The following KHDRBS3 variants were observed in gnomAD, a reference collection of about 807,000 sequenced individuals.
The protein encoded by KHDRBS3 is KH domain-containing, RNA-binding, signal transduction-associated protein 3.
In KHDRBS3, 23 loss-of-function variants were observed where a neutral mutation model predicts 45.6. The ratio of observed to expected loss-of-function variants is 0.50; its 90% CI spans 0.36 to 0.72. The LOEUF (loss-of-function observed/expected upper bound fraction) is 0.72. Among genes scored for constraint, KHDRBS3 ranks in the 30% least tolerant of loss-of-function variants. The pLI is 0.00. For synonymous variants in KHDRBS3, 162 were observed against 156.5 expected (o/e 1.04, Z -0.26); for missense variants, 352 against 424.8 (o/e 0.83, Z 1.51).
At chr8:135,597,171 G>T (rs1247962329) in intron 6 of KHDRBS3, among the ~76,000 whole-genome samples, 2 of 152,080 alleles carry the variant, frequency 1.3e-5, no homozygotes, top group Non-Finnish European at 2.9e-5. Flanking sequence ...TTCATAGATG[G>T]TGCCTCTTGC....
At chr8:135,519,995 G>A (rs1824826033) in intron 1 of KHDRBS3, among the ~76,000 whole-genome samples, 1 of 152,174 alleles carries the variant, frequency 6.6e-6, no homozygotes, top group Non-Finnish European at 1.5e-5. Context: ...AAAATGGTGG[G>A]AGAGACTGCA....
intron 6 of KHDRBS3, among the ~76,000 whole-genome samples, chr8:135,605,527 A>G (rs76103028): frequency 0.064 from 9,672 of 152,124 alleles, 436 homozygotes; most frequent in African/African-American, 0.12. Flanking sequence ...GTTTGATGAG[A>G]CACTGTTCTT....
At chr8:135,460,697 C>G (rs1423906069) in intron 1 of KHDRBS3, among the ~76,000 whole-genome samples, 1 of 152,198 alleles carries the variant, frequency 6.6e-6, no homozygotes, top group Non-Finnish European at 1.5e-5. Context: ...AAGTTTCTGT[C>G]TGCACTTGCC....
intron 1 of KHDRBS3, among the ~76,000 whole-genome samples, chr8:135,459,168 T>C (rs1470165543): frequency 2.0e-5 from 3 of 152,214 alleles, no homozygotes; most frequent in Non-Finnish European, 4.4e-5. Context: ...GCAGACATAT[T>C]CTATTTGTAT....
chr8:135,526,249 A>G (rs1281870680), intron 2 of KHDRBS3, among the ~76,000 whole-genome samples: 2 of 152,158 alleles, frequency 1.3e-5, no homozygotes, highest in Non-Finnish European at 2.9e-5. Context: ...AAAGTGTACG[A>G]AATAAAATCT....
At chr8:135,641,512 T>G (rs1831058171) in intron 7 of KHDRBS3, among the ~76,000 whole-genome samples, 1 of 152,222 alleles carries the variant, frequency 6.6e-6, no homozygotes, top group Non-Finnish European at 1.5e-5. Flanking sequence ...TGAGGTTCAT[T>G]TAATTTAGCA....
chr8:135,607,315 C>A (rs1829509857), intron 7 of KHDRBS3, among the ~76,000 whole-genome samples: 1 of 152,094 alleles, frequency 6.6e-6, no homozygotes, highest in Non-Finnish European at 1.5e-5. Flanking sequence ...GGAACAATGG[C>A]CTCAAAGTCT....
chr8:135,570,075 A>G (rs949938999), intron 5 of KHDRBS3, among the ~76,000 whole-genome samples: 9 of 152,182 alleles, frequency 5.9e-5, no homozygotes, highest in African/African-American at 1.2e-4. Flanking sequence ...TTATGAATTT[A>G]TATCTCTATA....
chr8:135,567,133 G>C (rs1018483437), intron 5 of KHDRBS3, among the ~76,000 whole-genome samples: 1 of 152,128 alleles, frequency 6.6e-6, no homozygotes, highest in African/African-American at 2.4e-5. Flanking sequence ...TTGTCAGGAT[G>C]ATGAGGAACT....
intron 2 of KHDRBS3, among the ~76,000 whole-genome samples, chr8:135,533,537 T>C (rs1825585379): frequency 6.6e-6 from 1 of 152,120 alleles, no homozygotes; most frequent in Non-Finnish European, 1.5e-5. Context: ...GGTGTAAATA[T>C]GGGTGGGGAT....
intron 1 of KHDRBS3, among the ~76,000 whole-genome samples, chr8:135,469,344 G>A (rs1170633024): frequency 3.3e-5 from 5 of 152,156 alleles, no homozygotes; most frequent in African/African-American, 4.8e-5. Context: ...GAGTGCAGTG[G>A]CGCGATCTCG....
At chr8:135,643,429 A>C (rs147698011) in intron 7 of KHDRBS3, among the ~76,000 whole-genome samples, 5 of 152,152 alleles carry the variant, frequency 3.3e-5, no homozygotes, top group Admixed American at 3.3e-4. Flanking sequence ...TGGGAAACCA[A>C]CCTCACTCAG....
intron 7 of KHDRBS3, among the ~76,000 whole-genome samples, chr8:135,642,868 C>T (rs1282531021): frequency 6.6e-6 from 1 of 151,556 alleles, no homozygotes; most frequent in African/African-American, 2.4e-5. Context: ...TCTCAGCTCA[C>T]TGCAACGTCC....
intron 5 of KHDRBS3, among the ~76,000 whole-genome samples, chr8:135,565,683 C>G (rs780422297): frequency 2.0e-5 from 3 of 152,146 alleles, no homozygotes; most frequent in Non-Finnish European, 4.4e-5. Context: ...ATCTCTGGCT[C>G]TCTTCCTTCT....
chr8:135,612,773 T>A (rs967156846), intron 7 of KHDRBS3, among the ~76,000 whole-genome samples: 1 of 151,622 alleles, frequency 6.6e-6, no homozygotes, highest in African/African-American at 2.4e-5. Flanking sequence ...AGCTGCTCAG[T>A]CCCCCATGGC....
At position 135,577,743 on chromosome 8, in the gene KHDRBS3, C is replaced by A. The variant is rs897845520; in HGVS notation, c.612-4135C>A. 3.3e-5 allele frequency among the ~76,000 whole-genome samples: 5 copies of A among 152,154 alleles called. No homozygotes were observed. The South Asian group carries it at 1.0e-3, about 32-fold the overall frequency. ...TTATGTAGGCATACATTTTCAGAAC[C>A]ATTGGGTAAAAACCTAAGAATACAA... On this transcript the variant is annotated intron_variant, in intron 5 of 8. Transcript: ENST00000355849.
At chr8:135,566,666 G>A (rs1827433173) in intron 5 of KHDRBS3, among the ~76,000 whole-genome samples, 1 of 152,044 alleles carries the variant, frequency 6.6e-6, no homozygotes, top group Non-Finnish European at 1.5e-5. Flanking sequence ...ACCAGCATGG[G>A]CTGTATAGTG....
chr8:135,626,119 G>T, intron 7 of KHDRBS3: 2 of 496,736 alleles, frequency 4.0e-6, no homozygotes, highest in Non-Finnish European at 7.2e-6. Flanking sequence ...AAGGACTTCT[G>T]CTTTAATATC....
At chr8:135,510,184 A>T (rs1250546940) in intron 1 of KHDRBS3, among the ~76,000 whole-genome samples, 2 of 151,768 alleles carry the variant, frequency 1.3e-5, no homozygotes, top group Admixed American at 1.3e-4. Flanking sequence ...GGCTGTCTTG[A>T]ACTCCTGGGA....
Sources: gnomAD v4.1 joint callset for allele counts (sites outside exome capture counted in the v4.1 genomes callset) on GRCh38, gnomAD v4.1.1 for gene constraint, MANE v1.5 for transcripts, NCBI Gene and HGNC (gene_info 2026-07-23, HGNC 2026-07-21) for gene names.